The following TERF1 variants were observed in gnomAD, a reference collection of about 807,000 sequenced individuals.
TERF1 encodes the protein telomeric repeat binding factor 1, also known as telomeric repeat-binding factor 1.
Under a neutral mutation model 55.1 loss-of-function variants are expected in TERF1, and 20 were observed. The ratio of observed to expected loss-of-function variants is 0.36; its 90% CI spans 0.26 to 0.53. TERF1 has a LOEUF of 0.53. Among genes scored for constraint, TERF1 ranks in the 20% least tolerant of loss-of-function variants. TERF1 has a pLI of 0.91. For missense variants in TERF1, 439 were observed against 535.7 expected, an observed-to-expected ratio of 0.82 and a Z score of 1.78; for synonymous variants, 168 against 181.2, an observed-to-expected ratio of 0.93 and a Z score of 0.59.
At chr8:73,026,622 A>T (rs1444019577) in intron 5 of TERF1, among the ~76,000 whole-genome samples, 2 of 143,430 alleles carry the variant, frequency 1.4e-5, no homozygotes, top group Non-Finnish European at 3.1e-5. Flanking sequence ...TTATTTGAAA[A>T]TATCTAGAAT....
chr8:73,030,314 C>T, intron 6 of TERF1, 22 bp from the exon 7 acceptor site: 1 of 1,514,654 alleles, frequency 6.6e-7, no homozygotes. Flanking sequence ...TACATTCTTA[C>T]AAATTTTTTC....
chr8:73,009,289 C>T (rs1291643213), intron 1 of TERF1, 84 bp downstream of exon 1: 10 of 569,912 alleles, frequency 1.8e-5, no homozygotes, highest in African/African-American at 1.2e-4. Flanking sequence ...TGGTTCCCTA[C>T]GTCGCCGAGG....
intron 7 of TERF1, 83 bp from the exon 8 acceptor site, chr8:73,031,959 A>C: frequency 1.1e-6 from 1 of 922,766 alleles, no homozygotes; most frequent in East Asian, 2.5e-5. Flanking sequence ...ATCCTAGAAC[A>C]GATTAAGGCA....
chr8:73,020,108 A>T (rs1808687400), intron 2 of TERF1, among the ~76,000 whole-genome samples: 1 of 152,188 alleles, frequency 6.6e-6, no homozygotes. Context: ...TGAATTGTAG[A>T]CTGTAGATGC....
Position 73,030,349 on chromosome 8 carries a change from C to T in TERF1, c.901C>T (p.Gln301Ter), listed in dbSNP as rs1472809349. 1 of 1,528,290 alleles carries T rather than the reference C, an allele frequency of 6.5e-7. No homozygotes were observed. The highest frequency in any genetic ancestry group is 8.7e-7 in the Non-Finnish European group (1 of 1,148,738). The allele number at this position is 1,528,290 out of a possible 1,614,324, so 94.7% of individuals were successfully genotyped here. ...CTTCTTTTAAAGTGTTAGTGACAAACAGTCTGCGGTAACTGAATCCTCAGA... is the reference window on the plus strand; with the variant it reads ...CTTCTTTTAAAGTGTTAGTGACAAATAGTCTGCGGTAACTGAATCCTCAGA... ...LDTRKSVSDK[Q>*]SAVTESSEGT... The change falls in exon 7 of 10, where the codon CAG (glutamine) becomes TAG (stop). Residue 301 changes from glutamine (Q) to a stop codon, truncating the protein, a stop_gained. Coordinates refer to ENST00000276603, the MANE Select transcript of TERF1 (RefSeq NM_017489.3). LOFTEE classifies it high-confidence loss of function.
Position 73,014,001 on chromosome 8 carries a change from T to G in TERF1, c.415+11T>G, listed in dbSNP as rs2975841. 1,048,933 of 1,563,244 alleles carry G rather than the reference T, an allele frequency of 0.67. 358,262 individuals are homozygous for G. The highest frequency in any genetic ancestry group is 0.75 in the African/African-American group (55,013 of 73,580). ...CAGGAAAAACCCTTGGTAAATATGT[T>G]TTTTTATTTTATATTGGAAATATTT... On this transcript the variant is annotated intron_variant, in intron 2 of 9. Transcript: ENST00000276603.
In TERF1 at chr8:73,013,950, A is replaced by T; in HGVS notation, c.375A>T (p.Ile125=). 1 of 1,611,438 alleles carries T rather than the reference A, an allele frequency of 6.2e-7. No homozygotes were observed. Among genetic ancestry groups the T allele is most frequent in the Non-Finnish European group, 8.5e-7 (1 of 1,179,444 alleles). ...LTACQLRTIY[I]CQFLTRIAAG... ...CTTGCCAGTTGAGAACGATATACAT[A>T]TGTCAGTTTTTGACAAGAATTGCAG... The change falls in exon 2 of 10, where the codon ATA becomes ATT. Residue 125 remains isoleucine (I), a synonymous_variant. Transcript: ENST00000276603.
chr8:73,015,711 C>T (rs916708531), intron 2 of TERF1, among the ~76,000 whole-genome samples: 5 of 151,986 alleles, frequency 3.3e-5, no homozygotes, highest in South Asian at 2.1e-4. Context: ...AAGTTAACCA[C>T]GTGTGGTCCT....
In TERF1 at chr8:73,032,044, C is replaced by A; in HGVS notation, c.950C>A (p.Ser317Tyr). 1.2e-6 allele frequency: 2 copies of A among 1,605,394 alleles called. No homozygotes were observed. Among genetic ancestry groups the A allele is most frequent in the Non-Finnish European group, 1.7e-6 (2 of 1,177,220 alleles). The change falls in exon 8 of 10, where the codon TCT becomes TAT. Residue 317 changes from serine (S) to tyrosine (Y), a missense_variant and splice_region_variant. Physicochemically the swap from Ser to Tyr is moderately radical, Grantham distance 144. Transcript: ENST00000276603. Reference sequence around the variant, plus strand: ...CAAACTTTCCTGTTTTATTTTAGGTCTCACAAGAATCTTTTCTTATCTAAG... The same window carrying A: ...CAAACTTTCCTGTTTTATTTTAGGTATCACAAGAATCTTTTCTTATCTAAG... ...SSEGTVSLLRSHKNLFLSKLQ... is the reference protein window; with the variant it reads ...SSEGTVSLLRYHKNLFLSKLQ...
intron 6 of TERF1, 172 bp from the exon 7 acceptor site, chr8:73,030,164 T>G: frequency 2.4e-6 from 1 of 413,020 alleles, no homozygotes; most frequent in African/African-American, 2.1e-5. Flanking sequence ...TAAGCATGTC[T>G]GGACAAGAAT....
At chr8:73,038,402 G>C (rs1015385573) in intron 8 of TERF1, among the ~76,000 whole-genome samples, 1 of 151,900 alleles carries the variant, frequency 6.6e-6, no homozygotes, top group African/African-American at 2.4e-5. Flanking sequence ...CCAGGAGTTT[G>C]AGCTGTGATC....
Position 73,039,105 on chromosome 8 carries a change from T to C in TERF1, c.1040-11T>C. ...AAATCAATATTTATGACATTATTTTTCTACTTTTAGGTACAAAAAAGAAAA... is the reference window on the plus strand; with the variant it reads ...AAATCAATATTTATGACATTATTTTCCTACTTTTAGGTACAAAAAAGAAAA... On this transcript the variant is annotated splice_polypyrimidine_tract_variant and intron_variant, in intron 8 of 9. Transcript: ENST00000276603. 9 of 1,511,252 alleles carry C rather than the reference T, an allele frequency of 6.0e-6. No individual in the cohort carries two copies. Among genetic ancestry groups the C allele is most frequent in the Middle Eastern group, 2.0e-4 (1 of 4,988 alleles). 93.6% of individuals were successfully genotyped at this position (1,511,252 alleles called of 1,614,324 possible). A position where few individuals can be genotyped will look rare whatever the true frequency, so the allele number is the denominator to read the frequency against.
In TERF1 at chr8:73,046,630, G is replaced by A. The variant is rs977442354; in HGVS notation, c.*493G>A. ...CCTGCCTCAGCCTCCTGAGTAGCTGGGATTACAGGCACACACCACCACGCC... is the reference window on the plus strand; with the variant it reads ...CCTGCCTCAGCCTCCTGAGTAGCTGAGATTACAGGCACACACCACCACGCC... On this transcript the variant is annotated 3_prime_UTR_variant, in exon 10 of 10. Transcript: ENST00000276603. 1 of 151,996 alleles carries A rather than the reference G, an allele frequency of 6.6e-6. No individual in the cohort carries two copies. The highest frequency in any genetic ancestry group is 2.4e-5 in the African/African-American group (1 of 41,354). The allele number at this position is 151,996 out of a possible 1,614,324, so 9.4% of individuals were successfully genotyped here.
intron 8 of TERF1, among the ~76,000 whole-genome samples, chr8:73,036,498 TAA>T (rs1809516059): frequency 6.6e-6 from 1 of 152,114 alleles, no homozygotes. Context: ...ACCATTACAT[TAA>T]GTTTCCTGTG....
chr8:73,038,798 A>C (rs1809710970), intron 8 of TERF1: 1 of 942,274 alleles, frequency 1.1e-6, no homozygotes, highest in Non-Finnish European at 1.3e-6. Flanking sequence ...ACATTATCGT[A>C]AGAAAATTTC....
chr8:73,033,754 ACT>A (rs1809397442), intron 8 of TERF1, among the ~76,000 whole-genome samples: 1 of 151,844 alleles, frequency 6.6e-6, no homozygotes, highest in Non-Finnish European at 1.5e-5. Context: ...AAGACTATAA[ACT>A]CTTTGCAAAC....
At position 73,036,757 on chromosome 8, in the gene TERF1, T is replaced by C. The variant is rs534419773; in HGVS notation, c.1040-2359T>C. ...TAAAACAATGTAAATGATAAATAAC[T>C]AAATTGTAGTAAATAATTGTTAGAC... On this transcript the variant is annotated intron_variant, in intron 8 of 9. Coordinates refer to ENST00000276603, the MANE Select transcript of TERF1 (RefSeq NM_017489.3). Among the ~76,000 whole-genome samples, 403 of 150,114 alleles carry C rather than the reference T, an allele frequency of 2.7e-3. 2 individuals carry two copies. The highest frequency in any genetic ancestry group is 9.4e-3 in the African/African-American group (386 of 41,000).
chr8:73,043,894 G>T (rs1201598862), intron 9 of TERF1, among the ~76,000 whole-genome samples: 6 of 152,138 alleles, frequency 3.9e-5, no homozygotes, highest in Non-Finnish European at 7.4e-5. Context: ...GCAAGTTTTT[G>T]AAAGAACAGA....
chr8:73,021,888 T>G (rs1239678715), intron 3 of TERF1, among the ~76,000 whole-genome samples: 1 of 152,192 alleles, frequency 6.6e-6, no homozygotes, highest in African/African-American at 2.4e-5. Context: ...TACTCAAAAT[T>G]AATATTTAGG....
Sources: allele counts gnomAD v4.1 joint callset (sites outside exome capture counted in the v4.1 genomes callset), GRCh38; gene constraint gnomAD v4.1.1; transcripts MANE v1.5; gene names NCBI Gene and HGNC (gene_info 2026-07-23, HGNC 2026-07-21).